SIGLEC9: variants seen among roughly 807,000 people sequenced by gnomAD.
SIGLEC9 encodes the protein sialic acid binding Ig like lectin 9, also known as sialic acid-binding Ig-like lectin 9.
A neutral mutation model predicts 38.3 loss-of-function variants in SIGLEC9; 26 were observed. The ratio of observed to expected loss-of-function variants is 0.68; its 90% CI spans 0.50 to 0.94. SIGLEC9 has a LOEUF of 0.94. Ranked by LOEUF, SIGLEC9 falls within the 40% of genes least tolerant of loss-of-function variation. SIGLEC9 has a pLI of 0.00. For missense variants in SIGLEC9, 556 were observed against 585.7 expected (o/e 0.95, Z 0.52); for synonymous variants, 236 against 248.0 (o/e 0.95, Z 0.45).
At position 51,128,046 on chromosome 19, in the gene SIGLEC9, A is replaced by G. The variant is rs1366882955; in HGVS notation, c.1106+7A>G. The G allele has an allele frequency of 1.2e-6, 2 of 1,609,930 alleles. No individual in the cohort carries two copies. The highest frequency in any genetic ancestry group is 1.7e-6 in the Non-Finnish European group (2 of 1,176,380). On this transcript the variant is annotated splice_region_variant and intron_variant, in intron 5 of 6. Coordinates refer to ENST00000250360, the MANE Select transcript of SIGLEC9 (RefSeq NM_014441.3). Reference sequence around the variant, plus strand: ...TCTGCGTCATCTTCGTTGTGTAAGCATGGACCCTAGAGAGGGAGGGAGGGA... The same window carrying G: ...TCTGCGTCATCTTCGTTGTGTAAGCGTGGACCCTAGAGAGGGAGGGAGGGA...
At chr19:51,129,141 T>G (rs1473866379) in intron 6 of SIGLEC9, among the ~76,000 whole-genome samples, 3 of 143,748 alleles carry the variant, frequency 2.1e-5, no homozygotes, top group Non-Finnish European at 4.4e-5. Flanking sequence ...ATTCTGACTT[T>G]TTTTGTTTTT....
Position 51,128,901 on chromosome 19 carries a change from T to A in SIGLEC9, c.1203+391T>A, listed in dbSNP as rs532413711. On this transcript the variant is annotated intron_variant, in intron 6 of 6. Coordinates refer to ENST00000250360, the MANE Select transcript of SIGLEC9 (RefSeq NM_014441.3). ...GCAAATACTATCTGTCAGGGACAGA[T>A]AGAAACTATTTTCGGCTTCATGGGC... 6 of 179,650 alleles carry A rather than the reference T, an allele frequency of 3.3e-5. No homozygotes were observed. The South Asian group carries it at 5.9e-4, about 18-fold the overall frequency. 11.1% of individuals were successfully genotyped at this position (179,650 alleles called of 1,614,324 possible).
chr19:51,120,745 C>A (rs1018909661), upstream of SIGLEC9: 1 of 191,410 alleles, frequency 5.2e-6, no homozygotes. This position sits in a 1 kb window ranked among gnomAD's most constrained non-coding sequence, Gnocchi z 4.1. Flanking sequence ...GGAGAACCAT[C>A]CAGCTCAATG....
downstream of SIGLEC9, among the ~76,000 whole-genome samples, chr19:51,131,590 A>AAATAAAT (rs2092015323): frequency 6.6e-6 from 1 of 150,548 alleles, no homozygotes; most frequent in East Asian, 2.0e-4. Context: ...CGTCTCAAAA[A>AAATAAAT]AAATAAATAA....
At chr19:51,128,710 C>T in intron 6 of SIGLEC9, 200 bp downstream of exon 6, 1 of 532,202 alleles carries the variant, frequency 1.9e-6, no homozygotes, top group Non-Finnish European at 3.4e-6. Context: ...TATCCTGACC[C>T]TTCATTGCTG....
At position 51,125,299 on chromosome 19, in the gene SIGLEC9, G is replaced by A. The variant is rs1200377188; in HGVS notation, c.325G>A (p.Ala109Thr). Residue 109 changes from alanine (A) to threonine (T), a missense_variant, in exon 1 of 7, where the codon GCC becomes ACC. Ala to Thr is a moderately conservative substitution (Grantham distance 58). Transcript: ENST00000250360. ...GAATTGCACCCTGAGCATCAGAGAT[G>A]CCAGAAGAAGTGATGCGGGGAGATA... ...TKNCTLSIRDARRSDAGRYFF... is the reference protein window; with the variant it reads ...TKNCTLSIRDTRRSDAGRYFF... 6 of 1,613,822 alleles carry A rather than the reference G, an allele frequency of 3.7e-6. No homozygotes were observed. Among genetic ancestry groups the A allele is most frequent in the Admixed American group, 1.7e-5 (1 of 59,986 alleles).
chr19:51,122,580 CA>C (rs71306113), upstream of SIGLEC9: 9,227 of 115,210 alleles, frequency 0.08, 867 homozygotes, highest in African/African-American at 0.26. This position sits in a 1 kb window ranked among gnomAD's most constrained non-coding sequence, Gnocchi z 4.1. Flanking sequence ...GACTCCATCT[CA>C]AAAAAAAAAA....
intron 6 of SIGLEC9, 108 bp from the exon 7 acceptor site, chr19:51,129,783 A>C (rs1175265586): frequency 5.3e-6 from 4 of 754,634 alleles, no homozygotes; most frequent in South Asian, 1.8e-5. Context: ...TCCTGACCTC[A>C]GGTGATCCGC....
downstream of SIGLEC9, among the ~76,000 whole-genome samples, chr19:51,131,447 G>A (rs946390558): frequency 2.6e-5 from 4 of 152,012 alleles, no homozygotes; most frequent in African/African-American, 4.8e-5. Context: ...TTAGCCGGGC[G>A]TGGTGGCGGG....
downstream of SIGLEC9, among the ~76,000 whole-genome samples, chr19:51,134,090 C>T (rs918716412): frequency 8.1e-5 from 12 of 147,990 alleles, no homozygotes; most frequent in Middle Eastern, 3.5e-3. Flanking sequence ...TGGGGATTAA[C>T]GTGAATGGCA....
intron 6 of SIGLEC9, among the ~76,000 whole-genome samples, chr19:51,129,253 G>A (rs2092000064): frequency 6.6e-6 from 1 of 151,592 alleles, no homozygotes. Context: ...CCACCTTCCG[G>A]GTTCAAGCCA....
At chr19:51,126,998 A>T in intron 3 of SIGLEC9, 32 bp from the exon 4 acceptor site, 2 of 1,600,546 alleles carry the variant, frequency 1.2e-6, no homozygotes, top group Non-Finnish European at 8.6e-7. Flanking sequence ...AGATCTATGT[A>T]TCTCTCTGAC....
Position 51,125,018 on chromosome 19 carries a change from C to G in SIGLEC9, c.44C>G (p.Ala15Gly). The change falls in exon 1 of 7, where the codon GCG becomes GGG. Residue 15 changes from alanine to glycine, a missense_variant. Transcript: ENST00000250360. Reference sequence around the variant, plus strand: ...CCCCTGCTCTGGGGGAGGGAGAGGGCGGAAGGACAGACAAGTAAACTGCTG... The same window carrying G: ...CCCCTGCTCTGGGGGAGGGAGAGGGGGGAAGGACAGACAAGTAAACTGCTG... ...LLPLLWGRER[A>G]EGQTSKLLTM... The G allele has an allele frequency of 6.2e-7, 1 of 1,612,282 alleles. No individual in the cohort carries two copies. Among genetic ancestry groups the G allele is most frequent in the South Asian group, 1.1e-5 (1 of 90,844 alleles).
At chr19:51,133,298 C>T (rs1169200088), downstream of SIGLEC9, among the ~76,000 whole-genome samples, 3 of 151,716 alleles carry the variant, frequency 2.0e-5, no homozygotes, top group East Asian at 1.9e-4. Context: ...GGTGGTCGGG[C>T]GCGGTGGCTC....
intron 3 of SIGLEC9, among the ~76,000 whole-genome samples, chr19:51,126,332 CT>C (rs1422617035): frequency 2.6e-5 from 4 of 152,108 alleles, no homozygotes; most frequent in South Asian, 2.1e-4. Context: ...ACACCCCCCC[CT>C]CAGCCTCAAA....
rs1192919863 is a variant in SIGLEC9 at position 51,127,313 on chromosome 19, G to A, written c.1015+17G>A. Reference sequence around the variant, plus strand: ...CCCTGCAGAGTGAGTGCACCAGTATGCTGGGGAGGGGCTGGAGAGGAGAAC... The same window carrying A: ...CCCTGCAGAGTGAGTGCACCAGTATACTGGGGAGGGGCTGGAGAGGAGAAC... On this transcript the variant is annotated intron_variant, in intron 4 of 6. Coordinates refer to ENST00000250360, the MANE Select transcript of SIGLEC9 (RefSeq NM_014441.3). 10 of 1,595,066 alleles carry A rather than the reference G, an allele frequency of 6.3e-6. No homozygotes were observed. Among genetic ancestry groups the A allele is most frequent in the African/African-American group, 1.3e-5 (1 of 74,502 alleles).
At chr19:51,129,764 G>T in intron 6 of SIGLEC9, 127 bp from the exon 7 acceptor site, 2 of 653,072 alleles carry the variant, frequency 3.1e-6, no homozygotes, top group Non-Finnish European at 5.3e-6. Flanking sequence ...GGCCAGGCTG[G>T]TCTCAAACTC....
intron 6 of SIGLEC9, among the ~76,000 whole-genome samples, chr19:51,129,270 T>C (rs1403773901): frequency 6.6e-6 from 1 of 151,886 alleles, no homozygotes. Context: ...GCCATTCTCC[T>C]GCCTCAGCCT....
At chr19:51,132,403 G>C (rs969065446), downstream of SIGLEC9, among the ~76,000 whole-genome samples, 1 of 152,166 alleles carries the variant, frequency 6.6e-6, no homozygotes, top group African/African-American at 2.4e-5. Context: ...CACCGTGTGC[G>C]TGTTGTTTGT....
Sources: gnomAD v4.1 joint callset for allele counts (sites outside exome capture counted in the v4.1 genomes callset) on GRCh38, gnomAD v4.1.1 for gene constraint, Gnocchi (gnomAD v3.1) non-coding constraint, MANE v1.5 for transcripts, NCBI Gene and HGNC (gene_info 2026-07-23, HGNC 2026-07-21) for gene names.